The following OR6N1 variants were observed in gnomAD, a reference collection of about 807,000 sequenced individuals.
OR6N1 encodes the protein olfactory receptor 6N1.
For missense variants in OR6N1, 394 were observed against 371.7 expected, an observed-to-expected ratio of 1.06 and a Z score of -0.49; for synonymous variants, 170 against 150.7, an observed-to-expected ratio of 1.13 and a Z score of -0.94.
the OR6N1 span, among the ~76,000 whole-genome samples, chr1:158,819,861 C>T: frequency 3.9e-5 from 6 of 152,146 alleles, no homozygotes; most frequent in South Asian, 1.2e-3. Context: ...AGTCAAAAAA[C>T]TTTGCGCCGA....
chr1:158,773,022 CA>C (rs1034928190), upstream of OR6N1, among the ~76,000 whole-genome samples: 2 of 151,910 alleles, frequency 1.3e-5, no homozygotes, highest in Non-Finnish European at 2.9e-5. Flanking sequence ...AATTAATAAT[CA>C]AATGTGATAA....
chr1:158,804,870 T>A, the OR6N1 span, among the ~76,000 whole-genome samples: 4 of 152,224 alleles, frequency 2.6e-5, no homozygotes, highest in African/African-American at 9.6e-5. Flanking sequence ...CTGGAGAAAA[T>A]GGGATGCGTA....
chr1:158,768,327 G>A (rs941731503), intron 1 of OR6N1, among the ~76,000 whole-genome samples: 6 of 152,170 alleles, frequency 3.9e-5, no homozygotes, highest in East Asian at 3.9e-4. Context: ...CTTGGGAGTC[G>A]AAGAGCCATC....
chr1:158,803,043 A>G, the OR6N1 span, among the ~76,000 whole-genome samples: 17 of 152,138 alleles, frequency 1.1e-4, no homozygotes, highest in Non-Finnish European at 2.2e-4. Flanking sequence ...CCCCAAATGT[A>G]CTTTTATTTT....
At chr1:158,820,022 A>C in the OR6N1 span, among the ~76,000 whole-genome samples, 38 of 152,234 alleles carry the variant, frequency 2.5e-4, no homozygotes, top group Non-Finnish European at 5.1e-4. Context: ...ATATTTATTG[A>C]CAGCAAGCCA....
At position 158,764,379 on chromosome 1, in the gene OR6N1, T is replaced by C. The variant is rs1174745101; in HGVS notation, c.*1365A>G. 1 of 151,490 alleles carries C rather than the reference T, an allele frequency of 6.6e-6. No homozygotes were observed. Among genetic ancestry groups the C allele is most frequent in the Non-Finnish European group, 1.5e-5 (1 of 67,818 alleles). 9.4% of individuals were successfully genotyped at this position (151,490 alleles called of 1,614,324 possible). ...TAATTATAACTAATTATAAATTAAT[T>C]ATAATTTTAATATTTATATTCTCAA... On this transcript the variant is annotated 3_prime_UTR_variant, in exon 2 of 2. Transcript: ENST00000641846.
the OR6N1 span, among the ~76,000 whole-genome samples, chr1:158,791,938 GTGTT>G: frequency 1.1e-4 from 16 of 152,146 alleles, no homozygotes; most frequent in African/African-American, 3.4e-4. Flanking sequence ...TTTAAGTCCA[GTGTT>G]TGTTTGTTGA....
chr1:158,772,901 G>A (rs1298296730), upstream of OR6N1, among the ~76,000 whole-genome samples: 1 of 152,072 alleles, frequency 6.6e-6, no homozygotes, highest in African/African-American at 2.4e-5. Context: ...ATGTTAATTA[G>A]CCTAATTTGA....
chr1:158,813,578 T>C, the OR6N1 span, among the ~76,000 whole-genome samples: 1 of 152,048 alleles, frequency 6.6e-6, no homozygotes, highest in African/African-American at 2.4e-5. Context: ...TTTCCTATTG[T>C]GAATATAGAG....
chr1:158,779,378 G>A, the OR6N1 span, among the ~76,000 whole-genome samples: 2 of 151,884 alleles, frequency 1.3e-5, no homozygotes, highest in South Asian at 4.2e-4. Context: ...CCTGACACTC[G>A]TCACAATGGC....
chr1:158,819,422 T>A, the OR6N1 span, among the ~76,000 whole-genome samples: 4 of 152,160 alleles, frequency 2.6e-5, no homozygotes, highest in East Asian at 5.8e-4. Flanking sequence ...TAACCAGCTC[T>A]TGCACAAAGT....
chr1:158,797,010 T>C, the OR6N1 span, among the ~76,000 whole-genome samples: 45 of 151,978 alleles, frequency 3.0e-4, no homozygotes, highest in Non-Finnish European at 5.1e-4. Context: ...AAGGGGATAA[T>C]GCAGCAGAAT....
the OR6N1 span, among the ~76,000 whole-genome samples, chr1:158,820,190 C>G: frequency 4.7e-3 from 723 of 152,294 alleles, 6 homozygotes; most frequent in South Asian, 0.018. Flanking sequence ...AAGCAGTTTT[C>G]CTCCCTGGGT....
the OR6N1 span, among the ~76,000 whole-genome samples, chr1:158,794,639 C>G: frequency 5.9e-5 from 9 of 152,242 alleles, no homozygotes; most frequent in South Asian, 1.9e-3. Flanking sequence ...TAGAAATAGC[C>G]TTAGTGTGTT....
chr1:158,826,147 A>T, the OR6N1 span, among the ~76,000 whole-genome samples: 354 of 139,992 alleles, frequency 2.5e-3, no homozygotes, highest in African/African-American at 7.6e-3. Flanking sequence ...GGAGAATATT[A>T]AAAAAAAAAA....
the OR6N1 span, among the ~76,000 whole-genome samples, chr1:158,819,822 T>G: frequency 0.012 from 1,786 of 152,266 alleles, 31 homozygotes; most frequent in African/African-American, 0.04. Flanking sequence ...ACAAGCACAA[T>G]TTTCAGTGTT....
the OR6N1 span, among the ~76,000 whole-genome samples, chr1:158,785,695 CTCA>C: frequency 6.6e-6 from 1 of 152,116 alleles, no homozygotes; most frequent in Non-Finnish European, 1.5e-5. Context: ...AGAATTCAGA[CTCA>C]TCAGTGGGGA....
the OR6N1 span, among the ~76,000 whole-genome samples, chr1:158,837,761 T>A: frequency 6.6e-6 from 1 of 151,866 alleles, no homozygotes; most frequent in Non-Finnish European, 1.5e-5. Flanking sequence ...ATTGTTGCCA[T>A]TTTTTATTTG....
the OR6N1 span, among the ~76,000 whole-genome samples, chr1:158,790,707 G>A: frequency 1.3e-5 from 2 of 152,050 alleles, no homozygotes; most frequent in East Asian, 3.9e-4. Context: ...CCGGGCCTTT[G>A]ATAGGGATTT....
Sources: allele counts gnomAD v4.1 joint callset (sites outside exome capture counted in the v4.1 genomes callset), GRCh38; gene constraint gnomAD v4.1.1; transcripts MANE v1.5; gene names NCBI Gene and HGNC (gene_info 2026-07-23, HGNC 2026-07-21).